Variants in MTMR8 observed in about 807,000 individuals in gnomAD.
MTMR8 encodes the protein phosphatidylinositol-3,5-bisphosphate 3-phosphatase MTMR8.
In MTMR8, 65 loss-of-function variants were observed where a neutral mutation model predicts 39.3. That is an observed-to-expected ratio of 1.65 (90% CI 1.35 to 2.03). The LOEUF (loss-of-function observed/expected upper bound fraction) is 2.03, where lower values mean the gene tolerates loss of function less well. Ranked by LOEUF, MTMR8 falls within the 30% of genes most tolerant of loss-of-function variation. The pLI is 0.00. For synonymous variants in MTMR8, 245 were observed against 185.2 expected (o/e 1.32, Z -2.62); for missense variants, 777 against 538.9 (o/e 1.44, Z -4.37).
intron 11 of MTMR8, 42 bp downstream of exon 11, chrX:64,331,515 C>G (rs771515886): frequency 1.7e-6 from 2 of 1,155,711 alleles, no homozygotes; most frequent in South Asian, 3.7e-5. Flanking sequence ...TTGCACTGAC[C>G]ACCTTCTCCC....
At chrX:64,331,871 C>T (rs1317818210) in intron 10 of MTMR8, 114 bp from the exon 11 acceptor site, 3 of 599,007 alleles carry the variant, frequency 5.0e-6, no homozygotes, top group East Asian at 3.6e-5. Flanking sequence ...GGCAAGGAAA[C>T]ACCTCATACC....
chrX:64,358,793 A>G (rs1923695019), intron 2 of MTMR8, among the ~76,000 whole-genome samples: 2 of 109,952 alleles, frequency 1.8e-5, no homozygotes, highest in African/African-American at 3.3e-5. Context: ...AATTAATTAG[A>G]AAACATTACT....
At chrX:64,342,281 A>T (rs1026686926) in intron 8 of MTMR8, among the ~76,000 whole-genome samples, 1 of 112,660 alleles carries the variant, frequency 8.9e-6, no homozygotes. Flanking sequence ...GAAAGGACAG[A>T]TTTGAGAAAC....
chrX:64,385,054 T>A (rs1319746939), intron 1 of MTMR8, among the ~76,000 whole-genome samples: 1 of 112,326 alleles, frequency 8.9e-6, no homozygotes, highest in Non-Finnish European at 1.9e-5. Flanking sequence ...CATAGGCAGT[T>A]AGAAGCAGCC....
chrX:64,301,746 T>C (rs1215931271), intron 12 of MTMR8, among the ~76,000 whole-genome samples: 2 of 111,625 alleles, frequency 1.8e-5, no homozygotes, highest in African/African-American at 6.5e-5. Flanking sequence ...GATGTACAGA[T>C]GGGTTTTCGG....
In MTMR8 at chrX:64,328,799, T is replaced by A; in HGVS notation, c.1454A>T (p.Asn485Ile). The change falls in exon 12 of 14, where the codon AAT becomes ATT. Residue 485 changes from asparagine to isoleucine, a missense_variant. By Grantham distance (149) the Asn-to-Ile change is moderately radical. Transcript: ENST00000374852. Reference sequence around the variant, plus strand: ...AATGTTGTAGGGCACAGTACTAGGATTGAGTACCCCATACATAGTGAAGCC... The same window carrying A: ...AATGTTGTAGGGCACAGTACTAGGAATGAGTACCCCATACATAGTGAAGCC... The part of the protein sequence containing the change: ...YKGFTMYGVL[N>I]PSTVPYNIQF... The A allele has an allele frequency of 2.5e-6, 3 of 1,195,356 alleles. No individual in the cohort carries two copies. The highest frequency in any genetic ancestry group is 1.9e-5 in the South Asian group (1 of 53,816).
At chrX:64,304,137 A>G (rs772034198) in intron 12 of MTMR8, among the ~76,000 whole-genome samples, 1 of 112,453 alleles carries the variant, frequency 8.9e-6, no homozygotes. Context: ...TTGAGAGTCA[A>G]CTAAAAAGAA....
At chrX:64,281,480 G>A (rs1329816280) in intron 12 of MTMR8, among the ~76,000 whole-genome samples, 1 of 111,712 alleles carries the variant, frequency 9.0e-6, no homozygotes, top group African/African-American at 3.3e-5. Context: ...AAAGGTGCTG[G>A]GAAAACTGGC....
At chrX:64,295,428 A>G (rs1210896434) in intron 12 of MTMR8, among the ~76,000 whole-genome samples, 1 of 111,831 alleles carries the variant, frequency 8.9e-6, no homozygotes, top group Non-Finnish European at 1.9e-5. Flanking sequence ...TTTCCTCAAC[A>G]TGACACTAAA....
At chrX:64,357,558 G>T (rs1356525001) in intron 2 of MTMR8, among the ~76,000 whole-genome samples, 1 of 111,003 alleles carries the variant, frequency 9.0e-6, no homozygotes, top group Non-Finnish European at 1.9e-5. Flanking sequence ...TCCTGAGTAA[G>T]CTAGGAATAC....
At chrX:64,340,389 C>T (rs1340745634) in intron 8 of MTMR8, among the ~76,000 whole-genome samples, 1 of 111,273 alleles carries the variant, frequency 9.0e-6, no homozygotes, top group African/African-American at 3.3e-5. Context: ...AAGAAGACGG[C>T]AAGGCTGTTC....
rs1375830317 is a variant in MTMR8 at position 64,271,225 on chromosome X, C to CT, written c.1482-153dup. 14 of 526,645 alleles carry CT rather than the reference C, an allele frequency of 2.7e-5. No homozygotes were observed. The African/African-American group carries it at 3.0e-4, about 11-fold the overall frequency. The allele number at this position is 526,645 out of a possible 1,213,427, so 43.4% of individuals were successfully genotyped here. A position where few individuals can be genotyped will look rare whatever the true frequency, so the allele number is the denominator to read the frequency against. On this transcript the variant is annotated intron_variant, in intron 12 of 13. Coordinates refer to ENST00000374852, the MANE Select transcript of MTMR8 (RefSeq NM_017677.4). ...GATGACATTAAAAAGCCTGGACATGCTCATAATTGGGAAGAGTAAAGATAC... is the reference window on the plus strand; with the variant it reads ...GATGACATTAAAAAGCCTGGACATGCTTCATAATTGGGAAGAGTAAAGATAC...
intron 12 of MTMR8, among the ~76,000 whole-genome samples, chrX:64,301,728 A>G (rs1333149946): frequency 1.8e-5 from 2 of 110,610 alleles, no homozygotes; most frequent in Admixed American, 1.9e-4. Context: ...TTGGTCTTTG[A>G]TGATGGTGAT....
intron 12 of MTMR8, among the ~76,000 whole-genome samples, chrX:64,300,882 T>G (rs1226128066): frequency 9.0e-6 from 1 of 111,033 alleles, no homozygotes; most frequent in Non-Finnish European, 1.9e-5. Flanking sequence ...AATTCTTTCC[T>G]TTAAGAATGT....
At chrX:64,306,486 T>C in intron 12 of MTMR8, 1 of 148,776 alleles carries the variant, frequency 6.7e-6, no homozygotes, top group Non-Finnish European at 1.3e-5. Flanking sequence ...TAATTGAATT[T>C]CTTAGTTATC....
chrX:64,363,214 T>C (rs1022255038), intron 1 of MTMR8, among the ~76,000 whole-genome samples: 2 of 111,650 alleles, frequency 1.8e-5, no homozygotes, highest in Admixed American at 9.5e-5. Flanking sequence ...TCAGCAAATG[T>C]CCATCACTTT....
At chrX:64,358,964 T>C (rs2147234032) in intron 2 of MTMR8, among the ~76,000 whole-genome samples, 1 of 110,263 alleles carries the variant, frequency 9.1e-6, no homozygotes, top group East Asian at 2.9e-4. Flanking sequence ...CATGAGGCCT[T>C]AGCATCAGCA....
intron 11 of MTMR8, 157 bp downstream of exon 11, chrX:64,331,400 G>A: frequency 2.1e-6 from 1 of 465,891 alleles, no homozygotes. Context: ...AGAGATCTCT[G>A]TGCAAACATT....
intron 1 of MTMR8, among the ~76,000 whole-genome samples, chrX:64,369,196 G>C (rs1924060112): frequency 8.9e-6 from 1 of 111,924 alleles, no homozygotes; most frequent in Non-Finnish European, 1.9e-5. Context: ...CACTGTGGAA[G>C]ACAGTGTGGC....
Sources: gnomAD v4.1 joint callset for allele counts (sites outside exome capture counted in the v4.1 genomes callset) on GRCh38, gnomAD v4.1.1 for gene constraint, MANE v1.5 for transcripts, NCBI Gene and HGNC (gene_info 2026-07-23, HGNC 2026-07-21) for gene names.